The following LRRC3B variants were observed in gnomAD, a reference collection of about 807,000 sequenced individuals.
LRRC3B encodes the protein leucine-rich repeat-containing protein 3B.
A neutral mutation model predicts 12.8 loss-of-function variants in LRRC3B; 2 were observed. That is an observed-to-expected ratio of 0.16 (90% CI 0.06 to 0.49). The LOEUF is 0.49. LRRC3B is among the 20% of genes least tolerant of loss of function. The pLI is 0.96. For missense variants in LRRC3B, 189 were observed against 319.4 expected (o/e 0.59, Z 3.11); for synonymous variants, 132 against 122.0 (o/e 1.08, Z -0.54).
chr3:26,671,413 G>GAGAGAGAGAGAGAGAGAGAGAGAGAC lies in LRRC3B; in HGVS notation c.-160-38099_-160-38098insGAGAGAGAGAGAGAGAGAGAGAGACA, dbSNP rs9331540. ...AGAGAGAGAGAGAGAGAGAGAGAGA[G>GAGAGAGAGAGAGAGAGAGAGAGAGAC]ACGAAGTCTTGCTCTGTCGCCAGGC... On this transcript the variant is annotated intron_variant, in intron 1 of 1. Transcript: ENST00000396641. Among the ~76,000 whole-genome samples, 69 of 99,370 alleles carry GAGAGAGAGAGAGAGAGAGAGAGAGAC rather than the reference G, an allele frequency of 6.9e-4. 6 individuals carry two copies. Among genetic ancestry groups the GAGAGAGAGAGAGAGAGAGAGAGAGAC allele is most frequent in the Non-Finnish European group, 9.0e-4 (46 of 51,280 alleles). The allele number at this position is 99,370 out of a possible 152,430, so 65.2% of individuals were successfully genotyped here.
At chr3:26,671,365 T>TAGAGAG (rs1466620108) in intron 1 of LRRC3B, among the ~76,000 whole-genome samples, 34 of 43,454 alleles carry the variant, frequency 7.8e-4, no homozygotes, top group East Asian at 5.4e-3. Flanking sequence ...TATATATATA[T>TAGAGAG]ATATATATAG....
intron 1 of LRRC3B, among the ~76,000 whole-genome samples, chr3:26,635,100 C>A (rs1340733140): frequency 6.6e-6 from 1 of 152,168 alleles, no homozygotes; most frequent in African/African-American, 2.4e-5. Flanking sequence ...ACTACCTCTG[C>A]TTCTGGAACT....
At position 26,667,889 on chromosome 3, in the gene LRRC3B, T is replaced by A. The variant is rs181508370; in HGVS notation, c.-160-41624T>A. Reference sequence around the variant, plus strand: ...AAATACAGATCATTGGATTACCAATTTTTTTTTACATAAAACAAACTTTAT... The same window carrying A: ...AAATACAGATCATTGGATTACCAATATTTTTTTACATAAAACAAACTTTAT... On this transcript the variant is annotated intron_variant, in intron 1 of 1. Transcript: ENST00000396641. Among the ~76,000 whole-genome samples, 21 of 151,704 alleles carry A rather than the reference T, an allele frequency of 1.4e-4. No individual in the cohort carries two copies. In the East Asian group the frequency reaches 3.7e-3, roughly 27 times the overall value.
chr3:26,694,333 ATACTT>A (rs1336286729), intron 1 of LRRC3B, among the ~76,000 whole-genome samples: 1 of 152,212 alleles, frequency 6.6e-6, no homozygotes, highest in Non-Finnish European at 1.5e-5. Context: ...GGGTTAATAA[ATACTT>A]TACTGCAACT....
chr3:26,647,201 G>A (rs1333496198), intron 1 of LRRC3B, among the ~76,000 whole-genome samples: 1 of 152,078 alleles, frequency 6.6e-6, no homozygotes, highest in Non-Finnish European at 1.5e-5. Flanking sequence ...ACCCCTAAGA[G>A]TAGCCTTTCC....
intron 1 of LRRC3B, among the ~76,000 whole-genome samples, chr3:26,697,035 C>G (rs1484390281): frequency 6.6e-6 from 1 of 152,060 alleles, no homozygotes; most frequent in Non-Finnish European, 1.5e-5. Flanking sequence ...CAGAGTTAAG[C>G]CAGGTACTTA....
rs1236977416 is a variant in LRRC3B, at chr3:26,661,109, G to A, written c.-161+37872G>A. 3.9e-5 allele frequency among the ~76,000 whole-genome samples: 6 copies of A among 152,126 alleles called. No individual in the cohort carries two copies. In the East Asian group the frequency reaches 1.2e-3, roughly 29 times the overall value. ...CAGCCAATAGAAGTGCTGACCCCAG[G>A]GGTATGTACATCAGTGACTGAAATC... is the stretch of plus-strand genomic sequence containing the variant. On this transcript the variant is annotated intron_variant, in intron 1 of 1. Coordinates refer to ENST00000396641, the Ensembl canonical transcript of LRRC3B.
chr3:26,703,592 T>C (rs1176113767), intron 1 of LRRC3B, among the ~76,000 whole-genome samples: 1 of 151,950 alleles, frequency 6.6e-6, no homozygotes, highest in African/African-American at 2.4e-5. Flanking sequence ...TGTTCTTTGG[T>C]TGGTCCTAAG....
intron 1 of LRRC3B, among the ~76,000 whole-genome samples, chr3:26,674,293 G>A (rs770517378): frequency 6.6e-5 from 10 of 152,120 alleles, no homozygotes; most frequent in South Asian, 4.1e-4. Flanking sequence ...ATTTTTTGTC[G>A]TGCTGTCATA....
intron 1 of LRRC3B, among the ~76,000 whole-genome samples, chr3:26,699,827 G>A (rs1203345222): frequency 6.6e-6 from 1 of 152,174 alleles, no homozygotes; most frequent in African/African-American, 2.4e-5. Context: ...TTCCCACTCA[G>A]TCTCCCTATA....
At chr3:26,671,373 T>TATATAGAGAGAGAGAGAG (rs1261897533) in intron 1 of LRRC3B, among the ~76,000 whole-genome samples, 33 of 28,246 alleles carry the variant, frequency 1.2e-3, no homozygotes, top group South Asian at 2.2e-3. Flanking sequence ...TATATATATA[T>TATATAGAGAGAGAGAGAG]AGAGAGAGAG....
intron 1 of LRRC3B, among the ~76,000 whole-genome samples, chr3:26,688,219 C>T (rs1228240257): frequency 6.6e-6 from 1 of 152,154 alleles, no homozygotes; most frequent in South Asian, 2.1e-4. Flanking sequence ...ATCTAGGCAT[C>T]CATATTTTTC....
At chr3:26,639,962 TGAAGACAG>T (rs1282760579) in intron 1 of LRRC3B, among the ~76,000 whole-genome samples, 6 of 152,032 alleles carry the variant, frequency 3.9e-5, no homozygotes, top group African/African-American at 1.2e-4. Context: ...GGTGACTAGA[TGAAGACAG>T]GAAGTTAATG....
rs543194266 is a variant in LRRC3B at position 26,675,138 on chromosome 3, T to C, written c.-160-34375T>C. ...CGGTGTGGTTCTGCCCGCCTGATTC[T>C]ATTGCATATAAGTAGATACCTATAT... On this transcript the variant is annotated intron_variant, in intron 1 of 1. Coordinates refer to ENST00000396641, the Ensembl canonical transcript of LRRC3B. Among the ~76,000 whole-genome samples the C allele has an allele frequency of 2.6e-5, 4 of 152,342 alleles. No homozygotes were observed. The South Asian group carries it at 8.3e-4, about 32-fold the overall frequency.
At position 26,703,934 on chromosome 3, in the gene LRRC3B, A is replaced by C. The variant is rs982253649; in HGVS notation, c.-160-5579A>C. Among the ~76,000 whole-genome samples, 65 of 151,944 alleles carry C rather than the reference A, an allele frequency of 4.3e-4. 4 individuals carry two copies. The highest frequency in any genetic ancestry group is 8.8e-5 in the Non-Finnish European group (6 of 67,980). On this transcript the variant is annotated intron_variant, in intron 1 of 1. Coordinates refer to ENST00000396641, the Ensembl canonical transcript of LRRC3B. ...TTTTGGCTAATCTTAGTCCTTTTGC[A>C]TTATCTTTTAAATATTTATTGTAAA... is the stretch of plus-strand genomic sequence containing the variant.
At chr3:26,671,642 C>G (rs1285340087) in intron 1 of LRRC3B, among the ~76,000 whole-genome samples, 1 of 151,734 alleles carries the variant, frequency 6.6e-6, no homozygotes, top group Non-Finnish European at 1.5e-5. Flanking sequence ...GTCCGCCCGC[C>G]TTGGCCTCCC....
intron 1 of LRRC3B, among the ~76,000 whole-genome samples, chr3:26,674,292 C>T (rs956060815): frequency 1.3e-5 from 2 of 152,050 alleles, no homozygotes; most frequent in African/African-American, 4.8e-5. Context: ...TATTTTTTGT[C>T]GTGCTGTCAT....
chr3:26,650,954 A>T (rs1209257412), intron 1 of LRRC3B, among the ~76,000 whole-genome samples: 1 of 152,200 alleles, frequency 6.6e-6, no homozygotes, highest in Non-Finnish European at 1.5e-5. Context: ...GAGCACAGAG[A>T]TTGTAAAAAT....
At chr3:26,698,352 G>A (rs538256406) in intron 1 of LRRC3B, among the ~76,000 whole-genome samples, 3 of 152,180 alleles carry the variant, frequency 2.0e-5, no homozygotes, top group African/African-American at 7.2e-5. Flanking sequence ...CTCCATATTG[G>A]CCAATTAAAA....
Sources: gnomAD v4.1 joint callset for allele counts (sites outside exome capture counted in the v4.1 genomes callset) on GRCh38, gnomAD v4.1.1 for gene constraint, MANE v1.5 for transcripts, NCBI Gene and HGNC (gene_info 2026-07-23, HGNC 2026-07-21) for gene names.